Variants in IFT172 observed in about 807,000 individuals in gnomAD.
The protein encoded by IFT172 is intraflagellar transport 172, also known as intraflagellar transport protein 172 homolog.
Under a neutral mutation model 248.9 loss-of-function variants are expected in IFT172, and 164 were observed. The ratio of observed to expected loss-of-function variants is 0.66; its 90% CI spans 0.58 to 0.75. IFT172 has a LOEUF of 0.75. IFT172 is among the 30% of genes least tolerant of loss of function. The probability of loss-of-function intolerance (pLI) is 0.00; values close to 1 mark genes in which losing one functional copy is unlikely to be tolerated. For synonymous variants in IFT172, 729 were observed against 791.6 expected (o/e 0.92, Z 1.33); for missense variants, 1,950 against 2,192.4 (o/e 0.89, Z 2.21).
At chr2:27,457,794 G>A (rs1211799205) in intron 28 of IFT172, 39 bp from the exon 29 acceptor site, 1 of 1,614,114 alleles carries the variant, frequency 6.2e-7, no homozygotes, top group Non-Finnish European at 8.5e-7. Context: ...ATGGGGAGAT[G>A]GAGCCTGGTT....
At chr2:27,470,119 C>T (rs987658803) in intron 16 of IFT172, among the ~76,000 whole-genome samples, 8 of 151,930 alleles carry the variant, frequency 5.3e-5, no homozygotes, top group Admixed American at 4.6e-4. Flanking sequence ...GTGGCATGCA[C>T]CTGTAGTCCT....
intron 40 of IFT172, among the ~76,000 whole-genome samples, chr2:27,448,148 G>A (rs559805064): frequency 6.6e-6 from 1 of 152,150 alleles, no homozygotes; most frequent in Admixed American, 6.5e-5. Flanking sequence ...GCCCAAGGCT[G>A]GAGTGCAGTA....
At chr2:27,487,641 T>C (rs1668863114) in intron 1 of IFT172, among the ~76,000 whole-genome samples, 1 of 152,186 alleles carries the variant, frequency 6.6e-6, no homozygotes, top group African/African-American at 2.4e-5. Flanking sequence ...TCACCCAGGC[T>C]GGAGTGCAGT....
In IFT172 at chr2:27,445,360, G is replaced by A. The variant is rs761028024; in HGVS notation, c.5004C>T (p.Gly1668=). 11 of 1,612,960 alleles carry A rather than the reference G, an allele frequency of 6.8e-6. No homozygotes were observed. The highest frequency in any genetic ancestry group is 2.2e-5 in the South Asian group (2 of 90,918). ...LEQVLPRDER[G]AYEASLVAAS... is the part of the protein sequence containing the mutation. The stretch of plus-strand genomic sequence containing the variant: ...CTGCCACTAGGGAGGCCTCGTAGGC[G>A]CCACGCTCATCCCGAGGCAGAACCT... The change falls in exon 46 of 48, where the codon GGC becomes GGT. Residue 1668 remains glycine, a synonymous_variant. Coordinates refer to ENST00000260570, the MANE Select transcript of IFT172 (RefSeq NM_015662.3). The surrounding 1 kb of genome is among the most constrained non-coding windows in gnomAD (Gnocchi z 4.4).
rs781622371 is a variant in IFT172, at chr2:27,465,896, T to C, written c.1693-14A>G. On this transcript the variant is annotated splice_polypyrimidine_tract_variant and intron_variant, in intron 16 of 47. Transcript: ENST00000260570. ...TATAACATCACCCTGTAAAAGTTTA[T>C]CCCCCAACCCACCCCAATTTCAGGT... 4 of 1,613,794 alleles carry C rather than the reference T, an allele frequency of 2.5e-6. No individual in the cohort carries two copies. The East Asian group carries it at 8.9e-5, about 36-fold the overall frequency.
chr2:27,479,318 TA>T, intron 10 of IFT172, among the ~76,000 whole-genome samples, 190 bp downstream of exon 10: 1 of 152,180 alleles, frequency 6.6e-6, no homozygotes, highest in Admixed American at 6.5e-5. Flanking sequence ...ACTTTTCTTA[TA>T]ATAAGCTGCA....
intron 7 of IFT172, among the ~76,000 whole-genome samples, 174 bp from the exon 8 acceptor site, chr2:27,481,434 CACACACACACACACACACAT>C (rs1167147202): frequency 1.3e-5 from 2 of 149,266 alleles, no homozygotes; most frequent in Admixed American, 6.6e-5. Flanking sequence ...GTCACACACA[CACACACACACACACACACAT>C]ACACACACAC....
intron 1 of IFT172, among the ~76,000 whole-genome samples, chr2:27,487,393 T>C (rs900968594): frequency 1.3e-5 from 2 of 152,226 alleles, no homozygotes; most frequent in Non-Finnish European, 1.5e-5. Flanking sequence ...AATAAGAGCT[T>C]GCCTTTAACA....
At chr2:27,447,030 A>G (rs1665194424) in intron 42 of IFT172, among the ~76,000 whole-genome samples, 1 of 150,868 alleles carries the variant, frequency 6.6e-6, no homozygotes, top group Non-Finnish European at 1.5e-5. Context: ...TTTAGTAGAG[A>G]TGGGGTTTCA....
chr2:27,453,807 C>T (rs1665922459), intron 33 of IFT172, 68 bp from the exon 34 acceptor site: 3 of 1,468,420 alleles, frequency 2.0e-6, no homozygotes, highest in Non-Finnish European at 2.8e-6. Context: ...CACACAGGTA[C>T]TCTGGCCCAC....
chr2:27,477,970 C>A, intron 11 of IFT172, 25 bp downstream of exon 11: 6 of 1,613,566 alleles, frequency 3.7e-6, no homozygotes, highest in Non-Finnish European at 5.1e-6. Flanking sequence ...CTATTCCCCA[C>A]CCTACCCTCA....
chr2:27,483,427 C>T lies in IFT172; in HGVS notation c.483-51G>A, dbSNP rs115840615. On this transcript the variant is annotated intron_variant, in intron 6 of 47. Coordinates refer to ENST00000260570, the MANE Select transcript of IFT172 (RefSeq NM_015662.3). ...ACAGGAAGAGACTATTTTATCTCAC[C>T]AAGAAAGCCCCTTTCTCTGTCAAAC... 3,050 of 1,418,098 alleles carry T rather than the reference C, an allele frequency of 2.2e-3. 60 individuals carry two copies. In the African/African-American group the frequency reaches 0.037, roughly 17 times the overall value. 87.8% of individuals were successfully genotyped at this position (1,418,098 alleles called of 1,614,324 possible).
At chr2:27,463,600 A>C (rs1017007111) in intron 18 of IFT172, among the ~76,000 whole-genome samples, 3 of 150,528 alleles carry the variant, frequency 2.0e-5, no homozygotes, top group Non-Finnish European at 4.4e-5. Flanking sequence ...GGCCCAAGAT[A>C]ATTCTTCTTC....
rs748959424 is a variant in IFT172 at position 27,445,050 on chromosome 2, GTT to G, written c.5122_5123del (p.Asn1708GlnfsTer6). On this transcript the variant is annotated frameshift_variant, in exon 47 of 48. Transcript: ENST00000260570. LOFTEE classifies it high-confidence loss of function. The surrounding 1 kb of genome is among the most constrained non-coding windows in gnomAD (Gnocchi z 4.4). Reference sequence around the variant, plus strand: ...TAAGGAATTTATTCCAGTTGTCCTTGTTAGCAGCCTTCCCTGGCCGCTTAAAT... The same window carrying G: ...TAAGGAATTTATTCCAGTTGTCCTTGAGCAGCCTTCCCTGGCCGCTTAAAT... The part of the protein sequence containing the change: ...IEFKRPGKAA[N>X]KDNWNKFLMA... The G allele has an allele frequency of 6.2e-7, 1 of 1,613,844 alleles. No individual in the cohort carries two copies. Among genetic ancestry groups the G allele is most frequent in the East Asian group, 2.2e-5 (1 of 44,872 alleles).
chr2:27,456,472 C>T (rs1282698595), intron 30 of IFT172, 39 bp downstream of exon 30: 2 of 1,586,838 alleles, frequency 1.3e-6, no homozygotes, highest in East Asian at 4.5e-5. Flanking sequence ...GTGGCTCTGG[C>T]TGGGATGGGG....
At position 27,454,470 on chromosome 2, in the gene IFT172, A is replaced by G; in HGVS notation, c.3466-52T>C. ...ATGATGAGAAGGAGACTGGCATCAC[A>G]GGCAGGCATGAGACTGGGGGTCTGC... On this transcript the variant is annotated intron_variant, in intron 31 of 47. Coordinates refer to ENST00000260570, the MANE Select transcript of IFT172 (RefSeq NM_015662.3). The surrounding 1 kb of genome is among the most constrained non-coding windows in gnomAD (Gnocchi z 4.2). 2 of 1,613,622 alleles carry G rather than the reference A, an allele frequency of 1.2e-6. No individual in the cohort carries two copies. Among genetic ancestry groups the G allele is most frequent in the Middle Eastern group, 1.7e-4 (1 of 6,048 alleles).
chr2:27,485,934 C>T (rs867354441), intron 1 of IFT172, among the ~76,000 whole-genome samples: 6 of 152,244 alleles, frequency 3.9e-5, no homozygotes, highest in Middle Eastern at 6.8e-3. Context: ...CCTGCCTCCA[C>T]GTCTAATAAG....
At chr2:27,474,010 G>A (rs1262035633) in intron 14 of IFT172, among the ~76,000 whole-genome samples, 8 of 152,038 alleles carry the variant, frequency 5.3e-5, no homozygotes, top group Non-Finnish European at 8.8e-5. Context: ...GTTTCACCAC[G>A]TTGGTCAGGC....
At chr2:27,487,226 T>G (rs1450011478) in intron 1 of IFT172, among the ~76,000 whole-genome samples, 1 of 152,198 alleles carries the variant, frequency 6.6e-6, no homozygotes, top group East Asian at 1.9e-4. Flanking sequence ...ATTACAGGCG[T>G]GAGCCACCAC....
Sources: gnomAD v4.1 joint callset for allele counts (sites outside exome capture counted in the v4.1 genomes callset) on GRCh38, gnomAD v4.1.1 for gene constraint, Gnocchi (gnomAD v3.1) non-coding constraint, MANE v1.5 for transcripts, NCBI Gene and HGNC (gene_info 2026-07-23, HGNC 2026-07-21) for gene names.